Variants in OGDH observed in about 807,000 individuals in gnomAD.
OGDH encodes the protein 2-oxoglutarate dehydrogenase complex component E1.
Under a neutral mutation model 116.6 loss-of-function variants are expected in OGDH, and 38 were observed. The ratio of observed to expected loss-of-function variants is 0.33; its 90% CI spans 0.25 to 0.43. The LOEUF (loss-of-function observed/expected upper bound fraction) is 0.43, where lower values mean the gene tolerates loss of function less well. Among genes scored for constraint, OGDH ranks in the 20% least tolerant of loss-of-function variants. The probability of loss-of-function intolerance (pLI) is 1.00; values close to 1 mark genes in which losing one functional copy is unlikely to be tolerated. For synonymous variants in OGDH, 488 were observed against 533.3 expected, an observed-to-expected ratio of 0.92 and a Z score of 1.17; for missense variants, 825 against 1,357.2, an observed-to-expected ratio of 0.61 and a Z score of 6.16.
intron 5 of OGDH, among the ~76,000 whole-genome samples, chr7:44,672,625 G>A (rs1419853289): frequency 6.6e-6 from 1 of 151,410 alleles, no homozygotes; most frequent in Non-Finnish European, 1.5e-5. Flanking sequence ...AGCCCGAGAG[G>A]GATTTCTTTT....
At chr7:44,698,098 C>G in intron 17 of OGDH, 94 bp from the exon 18 acceptor site, 1 of 1,396,078 alleles carries the variant, frequency 7.2e-7, no homozygotes, top group Non-Finnish European at 1.0e-6. Context: ...AAAAGATAAC[C>G]AGAAATGAGC....
At chr7:44,647,209 T>G (rs1183631903) in intron 3 of OGDH, among the ~76,000 whole-genome samples, 1 of 152,252 alleles carries the variant, frequency 6.6e-6, no homozygotes, top group Non-Finnish European at 1.5e-5. Context: ...ATGGATCCTT[T>G]CAGACTCCTA....
intron 4 of OGDH, 125 bp from the exon 5 acceptor site, chr7:44,666,611 T>C (rs1787194453): frequency 4.6e-6 from 2 of 432,382 alleles, no homozygotes; most frequent in East Asian, 7.0e-5. Context: ...GGGCTTTTTA[T>C]ATGATTTTTT....
intron 10 of OGDH, among the ~76,000 whole-genome samples, chr7:44,686,297 G>A (rs1254996344): frequency 2.0e-5 from 3 of 152,120 alleles, no homozygotes; most frequent in South Asian, 2.1e-4. Flanking sequence ...TTTTGTAGAT[G>A]TCCCTTACCA....
chr7:44,670,972 C>G (rs531222338), intron 5 of OGDH, among the ~76,000 whole-genome samples: 1 of 138,212 alleles, frequency 7.2e-6, no homozygotes, highest in Admixed American at 7.8e-5. Context: ...GATCGTGCTA[C>G]TGCACTCCAG....
At chr7:44,628,383 T>C (rs1330224665) in intron 2 of OGDH, among the ~76,000 whole-genome samples, 3 of 151,860 alleles carry the variant, frequency 2.0e-5, no homozygotes, top group African/African-American at 7.2e-5. Context: ...TTTATTTTAC[T>C]TTTTTTTACA....
chr7:44,689,654 A>G (rs1406248820), intron 10 of OGDH, among the ~76,000 whole-genome samples: 1 of 151,858 alleles, frequency 6.6e-6, no homozygotes, highest in Non-Finnish European at 1.5e-5. Flanking sequence ...CATTTCCCTA[A>G]TGACTAATGA....
chr7:44,621,911 G>GCTATGTGT (rs1785025407), intron 1 of OGDH, among the ~76,000 whole-genome samples: 3 of 152,044 alleles, frequency 2.0e-5, no homozygotes, highest in Admixed American at 1.3e-4. Flanking sequence ...GCTCTGCTGG[G>GCTATGTGT]CAGCACTTAA....
chr7:44,635,100 G>T (rs573853933), intron 2 of OGDH, among the ~76,000 whole-genome samples: 1 of 152,290 alleles, frequency 6.6e-6, no homozygotes, highest in South Asian at 2.1e-4. Flanking sequence ...TGCAGGAAAA[G>T]AATGAGTTGT....
intron 2 of OGDH, among the ~76,000 whole-genome samples, chr7:44,628,094 A>G (rs1310988444): frequency 6.6e-6 from 1 of 152,252 alleles, no homozygotes; most frequent in African/African-American, 2.4e-5. Flanking sequence ...CAGCTGTCTT[A>G]AAAATCTATT....
At chr7:44,620,561 C>A (rs928363501) in intron 1 of OGDH, among the ~76,000 whole-genome samples, 1 of 152,292 alleles carries the variant, frequency 6.6e-6, no homozygotes, top group African/African-American at 2.4e-5. Flanking sequence ...CTCTAGTTGT[C>A]CCAGCACCTT....
chr7:44,624,494 A>C lies in OGDH; in HGVS notation c.151A>C (p.Ser51Arg). Residue 51 changes from serine (S) to arginine (R), a missense_variant, in exon 2 of 23, where the codon AGT becomes CGT. Ser to Arg is a moderately radical substitution (Grantham distance 110). Around this residue, in one of 7 missense-constraint regions of OGDH, gnomAD observed 126 missense variants for 130.4 expected, o/e 0.97. Coordinates refer to ENST00000222673, the MANE Select transcript of OGDH (RefSeq NM_002541.4). The stretch of plus-strand genomic sequence containing the variant: ...ACCTGTTGCTGCTGAGCCCTTTCTC[A>C]GTGGGACTAGTTCGAACTATGTGGA... The part of the protein sequence containing the change: ...SAPVAAEPFL[S>R]GTSSNYVEEM... 1 of 1,613,818 alleles carries C rather than the reference A, an allele frequency of 6.2e-7. No individual in the cohort carries two copies. Among genetic ancestry groups the C allele is most frequent in the Non-Finnish European group, 8.5e-7 (1 of 1,179,960 alleles).
chr7:44,688,286 G>A (rs888584821), intron 10 of OGDH, among the ~76,000 whole-genome samples: 9 of 151,902 alleles, frequency 5.9e-5, no homozygotes, highest in South Asian at 2.1e-4. Context: ...CAGGAGAATC[G>A]CTTGAACCTG....
intron 10 of OGDH, among the ~76,000 whole-genome samples, chr7:44,686,735 C>T (rs1788145254): frequency 6.8e-6 from 1 of 146,814 alleles, no homozygotes. Context: ...GTCGCCCAGG[C>T]CGGAGTGCAA....
chr7:44,675,995 T>A lies in OGDH; in HGVS notation c.1052T>A (p.Leu351Gln), dbSNP rs1787676370. Reference protein sequence around the residue: ...DEGSGDVKYHLGMYHRRINRV... With the variant: ...DEGSGDVKYHQGMYHRRINRV... ...GGCTCCGGAGATGTGAAGTACCACC[T>A]GGGCATGTATCACCGCAGGATCAAT... Residue 351 changes from leucine (L) to glutamine (Q), a missense_variant, in exon 9 of 23, where the codon CTG becomes CAG. By Grantham distance (113) the Leu-to-Gln change is moderately radical. Around this residue, in one of 7 missense-constraint regions of OGDH, gnomAD observed 146 missense variants for 317.3 expected, o/e 0.46. Coordinates refer to ENST00000222673, the MANE Select transcript of OGDH (RefSeq NM_002541.4). 6.2e-7 allele frequency: 1 copy of A among 1,614,098 alleles called. No individual in the cohort carries two copies. The highest frequency in any genetic ancestry group is 2.2e-5 in the East Asian group (1 of 44,872).
chr7:44,669,725 CTTG>C (rs1787350009), intron 5 of OGDH, among the ~76,000 whole-genome samples: 1 of 151,552 alleles, frequency 6.6e-6, no homozygotes. Context: ...GGAGTTGGCT[CTTG>C]TTGTCTGAGA....
In OGDH at chr7:44,673,293, C is replaced by T. The variant is rs115322749; in HGVS notation, c.634-494C>T. Among the ~76,000 whole-genome samples, 1,101 of 152,188 alleles carry T rather than the reference C, an allele frequency of 7.2e-3. 10 individuals carry two copies. The highest frequency in any genetic ancestry group is 0.025 in the African/African-American group (1,037 of 41,518). ...TGATAGCGCTACTGCACTCCCGCCT[C>T]GATGACAGAGACCCTGCCTCAAAAA... is the stretch of plus-strand genomic sequence containing the variant. On this transcript the variant is annotated intron_variant, in intron 5 of 22. Transcript: ENST00000222673.
At chr7:44,673,765 T>C in intron 5 of OGDH, 22 bp from the exon 6 acceptor site, 1 of 1,613,342 alleles carries the variant, frequency 6.2e-7, no homozygotes, top group Non-Finnish European at 8.5e-7. Flanking sequence ...TCCCCTTGAC[T>C]GTGTGTTTCT....
chr7:44,671,249 G>A (rs1787437961), intron 5 of OGDH, among the ~76,000 whole-genome samples: 1 of 152,084 alleles, frequency 6.6e-6, no homozygotes, highest in South Asian at 2.1e-4. Flanking sequence ...CATGGTGGGA[G>A]GGGAAGCAAG....
Sources: allele counts gnomAD v4.1 joint callset (sites outside exome capture counted in the v4.1 genomes callset), GRCh38; gene constraint gnomAD v4.1.1; regional missense constraint gnomAD v4.1.1; transcripts MANE v1.5; gene names NCBI Gene and HGNC (gene_info 2026-07-23, HGNC 2026-07-21).